CDC20B: variants seen among roughly 807,000 people sequenced by gnomAD.
The protein encoded by CDC20B is cell division cycle 20B, also known as cell division cycle protein 20 homolog B.
Under a neutral mutation model 64.1 loss-of-function variants are expected in CDC20B, and 58 were observed. That is an observed-to-expected ratio of 0.90 (90% CI 0.73 to 1.13). The LOEUF (loss-of-function observed/expected upper bound fraction) is 1.13, where lower values mean the gene tolerates loss of function less well. Among genes scored for constraint, CDC20B ranks in the 50% most tolerant of loss-of-function variants. CDC20B has a pLI of 0.00. For missense variants in CDC20B, 597 were observed against 633.0 expected, an observed-to-expected ratio of 0.94 and a Z score of 0.61; for synonymous variants, 243 against 230.6, an observed-to-expected ratio of 1.05 and a Z score of -0.49.
chr5:55,158,949 T>C (rs2111926418), intron 2 of CDC20B, among the ~76,000 whole-genome samples: 2 of 152,304 alleles, frequency 1.3e-5, no homozygotes, highest in East Asian at 3.9e-4. Flanking sequence ...AGGGATTTTT[T>C]TTGGTAGAAT....
At chr5:55,119,208 G>A (rs986526210) in intron 11 of CDC20B, among the ~76,000 whole-genome samples, 2 of 152,120 alleles carry the variant, frequency 1.3e-5, no homozygotes, top group African/African-American at 4.8e-5. Flanking sequence ...CCTGGGCTGG[G>A]TAGAGGAGAT....
chr5:55,169,971 G>A lies in CDC20B; in HGVS notation c.126+2617C>T, dbSNP rs183911473. On this transcript the variant is annotated intron_variant, in intron 2 of 11. Transcript: ENST00000381375. ...TACTAAAAATACAAAAAAATTAGCC[G>A]GGCATGGTAGCAGGCGCCTGTAGTC... Among the ~76,000 whole-genome samples the A allele has an allele frequency of 5.2e-3, 786 of 152,210 alleles. 5 individuals are homozygous for A. Among genetic ancestry groups the A allele is most frequent in the African/African-American group, 0.018 (728 of 41,512 alleles).
At chr5:55,120,004 G>A in intron 10 of CDC20B, 86 bp from the exon 11 acceptor site, 3 of 954,992 alleles carry the variant, frequency 3.1e-6, no homozygotes, top group Non-Finnish European at 5.0e-6. Flanking sequence ...AGTATGCACT[G>A]TCCATGACCC....
intron 11 of CDC20B, among the ~76,000 whole-genome samples, chr5:55,117,061 T>C (rs1329692883): frequency 6.6e-6 from 1 of 152,210 alleles, no homozygotes; most frequent in Non-Finnish European, 1.5e-5. Flanking sequence ...TCTGCAACTA[T>C]AGTCATAAAT....
chr5:55,138,904 G>A (rs966410304), intron 5 of CDC20B, among the ~76,000 whole-genome samples: 6 of 151,284 alleles, frequency 4.0e-5, no homozygotes, highest in South Asian at 2.1e-4. Flanking sequence ...TAAGAGAATT[G>A]GAGAGTCAAT....
intron 2 of CDC20B, chr5:55,160,518 G>A: frequency 1.5e-6 from 1 of 677,354 alleles, no homozygotes; most frequent in Non-Finnish European, 2.5e-6. Context: ...TCAGAGTAAT[G>A]GTATTAGTAC....
intron 3 of CDC20B, among the ~76,000 whole-genome samples, chr5:55,144,882 T>C (rs1743428729): frequency 6.6e-6 from 1 of 152,186 alleles, no homozygotes; most frequent in Non-Finnish European, 1.5e-5. Flanking sequence ...TGGGAGGATC[T>C]TCAGTATCTG....
intron 2 of CDC20B, chr5:55,163,937 T>C: frequency 1.4e-6 from 1 of 716,050 alleles, no homozygotes; most frequent in Non-Finnish European, 2.1e-6. Flanking sequence ...TTGTTTTTTA[T>C]ATTATGACAG....
intron 2 of CDC20B, among the ~76,000 whole-genome samples, chr5:55,156,506 C>T (rs892117683): frequency 6.6e-6 from 1 of 152,158 alleles, no homozygotes; most frequent in African/African-American, 2.4e-5. Flanking sequence ...TAACTGCTCC[C>T]TATTTCAAAG....
chr5:55,140,296 A>G lies in CDC20B; in HGVS notation c.580+18T>C. The G allele has an allele frequency of 2.0e-6, 3 of 1,519,538 alleles. No individual in the cohort carries two copies. Among genetic ancestry groups the G allele is most frequent in the Middle Eastern group, 1.7e-4 (1 of 5,808 alleles). The allele number at this position is 1,519,538 out of a possible 1,614,324, so 94.1% of individuals were successfully genotyped here. On this transcript the variant is annotated intron_variant, in intron 5 of 11. Coordinates refer to ENST00000381375, the MANE Select transcript of CDC20B (RefSeq NM_001170402.1). ...AGAGAGGAGCGCAGGAAAGAAGGAC[A>G]ATGTCTTGATCCTGTACCTTTCCAA...
chr5:55,119,998 T>C lies in CDC20B; in HGVS notation c.1342-80A>G, dbSNP rs1040862468. Reference sequence around the variant, plus strand: ...ATAGTTAAACTGGTTACAGGCAGTATGCACTGTCCATGACCCAACCTCCAG... The same window carrying C: ...ATAGTTAAACTGGTTACAGGCAGTACGCACTGTCCATGACCCAACCTCCAG... On this transcript the variant is annotated intron_variant, in intron 10 of 11. Coordinates refer to ENST00000381375, the MANE Select transcript of CDC20B (RefSeq NM_001170402.1). 1.1e-5 allele frequency: 11 copies of C among 1,027,432 alleles called. No individual in the cohort carries two copies. In the African/African-American group the frequency reaches 1.6e-4, roughly 15 times the overall value. The allele number at this position is 1,027,432 out of a possible 1,614,324, so 63.6% of individuals were successfully genotyped here. A position where few individuals can be genotyped will look rare whatever the true frequency, so the allele number is the denominator to read the frequency against.
At chr5:55,157,994 G>A (rs2111921915) in intron 2 of CDC20B, among the ~76,000 whole-genome samples, 1 of 152,236 alleles carries the variant, frequency 6.6e-6, no homozygotes, top group Middle Eastern at 3.4e-3. Flanking sequence ...AATATCTCGT[G>A]TATTCATAGA....
chr5:55,170,486 C>G (rs1181377651), intron 2 of CDC20B: 1 of 528,986 alleles, frequency 1.9e-6, no homozygotes, highest in Admixed American at 2.0e-5. Context: ...AGAAAGTACA[C>G]ATAAACACAC....
At chr5:55,172,328 A>G in intron 2 of CDC20B, 1 of 412,216 alleles carries the variant, frequency 2.4e-6, no homozygotes, top group South Asian at 3.0e-5. Context: ...CGCTAGCAAT[A>G]CACTGCCTAC....
intron 6 of CDC20B, among the ~76,000 whole-genome samples, chr5:55,131,382 A>G (rs563282734): frequency 1.7e-4 from 26 of 152,200 alleles, no homozygotes; most frequent in Admixed American, 5.2e-4. Context: ...GAACAGAAGT[A>G]AAAAAAGAAA....
rs1384943580 is a variant in CDC20B at position 55,120,548 on chromosome 5, G to A, written c.1218C>T (p.Ala406=). 1.4e-5 allele frequency: 22 copies of A among 1,613,100 alleles called. No individual in the cohort carries two copies. Among genetic ancestry groups the A allele is most frequent in the Non-Finnish European group, 1.9e-5 (22 of 1,179,482 alleles). ...KVITQSTAVK[A]MDWCPWQSGV... ...CAGACTGCCAGGGACACCAATCCATGGCCTTTAAAGTTTCACATAATAGCA... is the reference window on the plus strand; with the variant it reads ...CAGACTGCCAGGGACACCAATCCATAGCCTTTAAAGTTTCACATAATAGCA... The change falls in exon 10 of 12, where the codon GCC becomes GCT. Residue 406 remains alanine (A), a splice_region_variant and synonymous_variant. Transcript: ENST00000381375.
At chr5:55,166,069 A>G (rs1744366457) in intron 2 of CDC20B, 1 of 152,266 alleles carries the variant, frequency 6.6e-6, no homozygotes, top group Non-Finnish European at 1.5e-5. Context: ...TGTTGGTGCC[A>G]GAGCACTCTT....
chr5:55,156,264 G>A (rs1385581045), intron 2 of CDC20B, among the ~76,000 whole-genome samples: 1 of 152,090 alleles, frequency 6.6e-6, no homozygotes, highest in Non-Finnish European at 1.5e-5. Context: ...CTTCATATGT[G>A]GGGATTATTA....
chr5:55,152,012 C>G (rs1041860839), intron 2 of CDC20B, among the ~76,000 whole-genome samples: 3 of 152,214 alleles, frequency 2.0e-5, no homozygotes, highest in Admixed American at 2.0e-4. Context: ...ACATGTATCC[C>G]TGTAAGAGGA....
Sources: gnomAD v4.1 joint callset for allele counts (sites outside exome capture counted in the v4.1 genomes callset) on GRCh38, gnomAD v4.1.1 for gene constraint, MANE v1.5 for transcripts, NCBI Gene and HGNC (gene_info 2026-07-23, HGNC 2026-07-21) for gene names.